CEP85L: variants seen among roughly 807,000 people sequenced by gnomAD.
The protein encoded by CEP85L is centrosomal protein 85L, also known as centrosomal protein of 85 kDa-like.
In CEP85L, 60 loss-of-function variants were observed where a neutral mutation model predicts 100.3. That is an observed-to-expected ratio of 0.60 (90% CI 0.49 to 0.74). CEP85L has a LOEUF of 0.74. Ranked by LOEUF, CEP85L falls within the 30% of genes least tolerant of loss-of-function variation. The pLI is 0.00. For synonymous variants in CEP85L, 319 were observed against 322.7 expected (o/e 0.99, Z 0.12); for missense variants, 973 against 936.2 (o/e 1.04, Z -0.51).
chr6:118,614,644 G>A (rs1372101997), intron 2 of CEP85L, among the ~76,000 whole-genome samples: 3 of 152,184 alleles, frequency 2.0e-5, no homozygotes, highest in Non-Finnish European at 4.4e-5. Flanking sequence ...AGGAGTTCAA[G>A]GACAGCCTGA....
intron 2 of CEP85L, among the ~76,000 whole-genome samples, chr6:118,603,626 A>G (rs1771965483): frequency 6.6e-6 from 1 of 152,254 alleles, no homozygotes; most frequent in South Asian, 2.1e-4. Context: ...GACTCTGAAA[A>G]ACAAAGGATC....
At chr6:118,709,284 C>T (rs1461225183) in intron 1 of CEP85L, among the ~76,000 whole-genome samples, 1 of 152,164 alleles carries the variant, frequency 6.6e-6, no homozygotes, top group African/African-American at 2.4e-5. Context: ...CCTACATTTG[C>T]CCATTTCCTC....
chr6:118,558,445 C>T (rs1460276922), intron 3 of CEP85L, among the ~76,000 whole-genome samples: 3 of 151,802 alleles, frequency 2.0e-5, no homozygotes, highest in South Asian at 2.1e-4. Context: ...TGTTGTTTTG[C>T]GTAAAGTCAT....
chr6:118,464,653 G>T lies in CEP85L; in HGVS notation c.*752C>A, dbSNP rs1039051842. ...AATAGTAAGGAACATGTTAAAATTA[G>T]TTCAAGTTATGTTAACCTTTCTTGT... On this transcript the variant is annotated 3_prime_UTR_variant, in exon 13 of 13. Coordinates refer to ENST00000368491, the MANE Select transcript of CEP85L (RefSeq NM_001042475.3). 1 of 151,816 alleles carries T rather than the reference G, an allele frequency of 6.6e-6. No individual in the cohort carries two copies. The highest frequency in any genetic ancestry group is 1.5e-5 in the Non-Finnish European group (1 of 67,940). The allele number at this position is 151,816 out of a possible 1,614,324, so 9.4% of individuals were successfully genotyped here.
At chr6:118,511,275 T>C (rs1299450859) in intron 5 of CEP85L, 23 bp downstream of exon 5, 4 of 1,457,228 alleles carry the variant, frequency 2.7e-6, no homozygotes, top group African/African-American at 2.8e-5. Flanking sequence ...CTAAAACAGC[T>C]ACAAAATCCT....
chr6:118,477,410 C>T (rs1004847060), intron 10 of CEP85L, among the ~76,000 whole-genome samples: 8 of 152,108 alleles, frequency 5.3e-5, no homozygotes, highest in Admixed American at 2.0e-4. Context: ...ATGCCAGTGA[C>T]CTATAACAGA....
chr6:118,524,995 G>A (rs1007663081), intron 3 of CEP85L, among the ~76,000 whole-genome samples: 1 of 152,180 alleles, frequency 6.6e-6, no homozygotes, highest in Non-Finnish European at 1.5e-5. Flanking sequence ...GCTCTATCTT[G>A]CTTTGATGAT....
chr6:118,555,753 C>T (rs960018112), intron 3 of CEP85L, among the ~76,000 whole-genome samples: 5 of 151,992 alleles, frequency 3.3e-5, no homozygotes, highest in African/African-American at 1.2e-4. Context: ...TTCATCATCC[C>T]GTTATTAAGC....
intron 1 of CEP85L, among the ~76,000 whole-genome samples, chr6:118,699,897 GT>G (rs1320924659): frequency 5.9e-5 from 9 of 152,160 alleles, no homozygotes; most frequent in African/African-American, 1.9e-4. Context: ...GTTTCATCAT[GT>G]TGGCCACGCT....
intron 3 of CEP85L, among the ~76,000 whole-genome samples, chr6:118,554,393 C>T (rs868569911): frequency 6.6e-6 from 1 of 152,114 alleles, no homozygotes; most frequent in African/African-American, 2.4e-5. Context: ...ACATTCGTCC[C>T]GCCTAGGCCT....
chr6:118,624,839 A>T lies in CEP85L; in HGVS notation c.232+7614T>A, dbSNP rs545421375. Among the ~76,000 whole-genome samples the T allele has an allele frequency of 4.6e-5, 7 of 152,346 alleles. No homozygotes were observed. In the South Asian group the frequency reaches 1.4e-3, roughly 32 times the overall value. ...TGTCCAACAAGTAATTAAAAACTTG[A>T]TCCAACCATCTAACACTCCAAGTCC... On this transcript the variant is annotated intron_variant, in intron 2 of 12. Coordinates refer to ENST00000368491, the MANE Select transcript of CEP85L (RefSeq NM_001042475.3).
upstream of CEP85L, among the ~76,000 whole-genome samples, chr6:118,654,238 G>A (rs1775697126): frequency 6.6e-6 from 1 of 152,118 alleles, no homozygotes; most frequent in African/African-American, 2.4e-5. Context: ...TAATGATTGT[G>A]CCACCGCACT....
rs552123589 is a variant in CEP85L, at chr6:118,651,161, C to G, written c.73+36G>C. The G allele has an allele frequency of 1.0e-5, 15 of 1,483,354 alleles. No individual in the cohort carries two copies. In the African/African-American group the frequency reaches 2.0e-4, roughly 20 times the overall value. The allele number at this position is 1,483,354 out of a possible 1,614,324, so 91.9% of individuals were successfully genotyped here. A position where few individuals can be genotyped will look rare whatever the true frequency, so the allele number is the denominator to read the frequency against. On this transcript the variant is annotated intron_variant, in intron 1 of 12. Coordinates refer to ENST00000368491, the MANE Select transcript of CEP85L (RefSeq NM_001042475.3). ...CCCGAGGCGCCGCGGTCGGCCGTGACCCCCACCCCAGCCGGGGCGCTGTCC... is the reference window on the plus strand; with the variant it reads ...CCCGAGGCGCCGCGGTCGGCCGTGAGCCCCACCCCAGCCGGGGCGCTGTCC...
At chr6:118,566,545 G>A (rs1008187110) in intron 2 of CEP85L, among the ~76,000 whole-genome samples, 1 of 151,994 alleles carries the variant, frequency 6.6e-6, no homozygotes, top group Non-Finnish European at 1.5e-5. Context: ...AGCCTCCCGA[G>A]TAGCAGGGAT....
intron 1 of CEP85L, among the ~76,000 whole-genome samples, chr6:118,672,883 C>T (rs915046578): frequency 1.7e-4 from 25 of 151,056 alleles, no homozygotes; most frequent in African/African-American, 5.1e-4. Context: ...ACAATGACAA[C>T]GAAGAAGAAG....
In CEP85L at chr6:118,470,605, G is replaced by T; in HGVS notation, c.1954C>A (p.Gln652Lys). 2 of 1,605,528 alleles carry T rather than the reference G, an allele frequency of 1.2e-6. No homozygotes were observed. Among genetic ancestry groups the T allele is most frequent in the East Asian group, 2.3e-5 (1 of 44,174 alleles). ...GKLSKEKLTT[Q>K]KMMEELEKKE... The stretch of plus-strand genomic sequence containing the variant: ...TTTTCCAGCTCTTCCATCATCTTTT[G>T]AGTGGTCAGTTTCTCTTTAGAAAGC... Residue 652 changes from glutamine (Q) to lysine (K), a missense_variant, in exon 11 of 13, where the codon CAA (glutamine) becomes AAA (lysine). Coordinates refer to ENST00000368491, the MANE Select transcript of CEP85L (RefSeq NM_001042475.3).
chr6:118,706,185 C>G (rs548244851), intron 1 of CEP85L, among the ~76,000 whole-genome samples: 1 of 152,268 alleles, frequency 6.6e-6, no homozygotes, highest in South Asian at 2.1e-4. Context: ...GACACTCTGA[C>G]AAGGGGATTA....
chr6:118,487,964 T>C (rs1774295373), intron 6 of CEP85L, among the ~76,000 whole-genome samples: 3 of 151,852 alleles, frequency 2.0e-5, no homozygotes. Flanking sequence ...TGAGTACTGA[T>C]AGGACCTAGA....
intron 2 of CEP85L, among the ~76,000 whole-genome samples, chr6:118,600,960 A>C (rs1410251663): frequency 6.6e-6 from 1 of 152,192 alleles, no homozygotes; most frequent in Non-Finnish European, 1.5e-5. Flanking sequence ...TATACCGTGG[A>C]ATAACCATTT....
Sources: allele counts gnomAD v4.1 joint callset (sites outside exome capture counted in the v4.1 genomes callset), GRCh38; gene constraint gnomAD v4.1.1; transcripts MANE v1.5; gene names NCBI Gene and HGNC (gene_info 2026-07-23, HGNC 2026-07-21).